MYO1H: variants seen among roughly 807,000 people sequenced by gnomAD.
MYO1H encodes unconventional myosin-Ih.
Under a neutral mutation model 149.3 loss-of-function variants are expected in MYO1H, and 118 were observed. That is an observed-to-expected ratio of 0.79 (90% CI 0.68 to 0.92). MYO1H has a LOEUF of 0.92. Ranked by LOEUF, MYO1H falls within the 40% of genes least tolerant of loss-of-function variation. MYO1H has a pLI of 0.00. For synonymous variants in MYO1H, 447 were observed against 465.2 expected (o/e 0.96, Z 0.50); for missense variants, 1,212 against 1,280.7 (o/e 0.95, Z 0.82).
intron 1 of MYO1H, among the ~76,000 whole-genome samples, chr12:109,360,458 GTCTC>G (rs980542863): frequency 1.3e-4 from 20 of 151,486 alleles, no homozygotes; most frequent in African/African-American, 3.1e-4. Flanking sequence ...CTCTGTCTCT[GTCTC>G]TCTCTCTCTC....
intron 1 of MYO1H, among the ~76,000 whole-genome samples, chr12:109,386,910 G>A (rs1260882865): frequency 2.0e-5 from 3 of 151,190 alleles, no homozygotes; most frequent in Non-Finnish European, 4.4e-5. Context: ...CCTTCCCCTG[G>A]TTACAAAGAT....
exon 11 of MYO1H, chr12:109,409,607 A>G (rs761439511): frequency 7.9e-5 from 127 of 1,613,502 alleles, no homozygotes; most frequent in Non-Finnish European, 1.1e-4. Context: ...ATGGGTTTGA[A>G]GTCTTTGACA....
At chr12:109,357,469 G>C (rs962725144) in intron 1 of MYO1H, among the ~76,000 whole-genome samples, 1 of 152,128 alleles carries the variant, frequency 6.6e-6, no homozygotes, top group African/African-American at 2.4e-5. Context: ...CATTGAACAG[G>C]GTTGGCAAAC....
At chr12:109,333,394 T>C in the MYO1H span, among the ~76,000 whole-genome samples, 1 of 152,152 alleles carries the variant, frequency 6.6e-6, no homozygotes. Context: ...TGAGGACTCA[T>C]GGTGCATGGA....
intron 1 of MYO1H, among the ~76,000 whole-genome samples, chr12:109,385,789 C>T (rs1050498968): frequency 1.3e-5 from 2 of 152,116 alleles, no homozygotes; most frequent in African/African-American, 4.8e-5. Flanking sequence ...CCCCTCTACC[C>T]ACCACCTAGC....
At chr12:109,318,984 T>G in the MYO1H span, among the ~76,000 whole-genome samples, 7 of 145,396 alleles carry the variant, frequency 4.8e-5, no homozygotes, top group Admixed American at 6.8e-5. Flanking sequence ...TTTTTTTTTT[T>G]TTTTTTTTTT....
At chr12:109,427,912 ATATATAT>A (rs1871443339) in intron 19 of MYO1H, among the ~76,000 whole-genome samples, 5 of 51,948 alleles carry the variant, frequency 9.6e-5, no homozygotes, top group African/African-American at 1.5e-4. Context: ...AAAAAAAAAT[ATATATAT>A]ATATATATAT....
chr12:109,440,666 T>TAA, intron 24 of MYO1H, 78 bp from the exon 25 acceptor site: 1 of 1,057,352 alleles, frequency 9.5e-7, no homozygotes, highest in Non-Finnish European at 1.4e-6. Flanking sequence ...AGTGTTTTTT[T>TAA]AAAGCTTCAT....
chr12:109,415,663 A>G, intron 15 of MYO1H, 43 bp downstream of exon 15: 1 of 1,410,596 alleles, frequency 7.1e-7, no homozygotes, highest in Non-Finnish European at 9.6e-7. Context: ...GTATGTGCCC[A>G]GCCTGGTGTC....
the MYO1H span, among the ~76,000 whole-genome samples, chr12:109,314,655 A>G: frequency 5.3e-5 from 8 of 152,070 alleles, no homozygotes; most frequent in African/African-American, 1.9e-4. Flanking sequence ...CCATCTCTCA[A>G]AAAGGAATAC....
chr12:109,338,489 C>T, the MYO1H span, among the ~76,000 whole-genome samples: 1 of 152,148 alleles, frequency 6.6e-6, no homozygotes, highest in African/African-American at 2.4e-5. Context: ...ATTTTCTGGC[C>T]AGGCATGGTG....
intron 1 of MYO1H, among the ~76,000 whole-genome samples, chr12:109,356,768 G>T (rs912373948): frequency 6.6e-6 from 1 of 152,060 alleles, no homozygotes; most frequent in Admixed American, 6.6e-5. Flanking sequence ...ATAATTATAC[G>T]CATTCAGTGG....
At chr12:109,328,091 G>A in the MYO1H span, among the ~76,000 whole-genome samples, 5 of 150,720 alleles carry the variant, frequency 3.3e-5, no homozygotes, top group African/African-American at 4.9e-5. Context: ...TGGTCTCTGA[G>A]TAAAATTCTG....
Position 109,443,048 on chromosome 12 carries a change from A to ATATATGTGTACG in MYO1H, c.2689-462_2689-451dup, listed in dbSNP as rs1566044701. 2.4e-4 allele frequency among the ~76,000 whole-genome samples: 15 copies of ATATATGTGTACG among 62,512 alleles called. 1 individual carries two copies. Among genetic ancestry groups the ATATATGTGTACG allele is most frequent in the African/African-American group, 1.1e-3 (15 of 13,168 alleles). The allele number at this position is 62,512 out of a possible 152,430, so 41.0% of individuals were successfully genotyped here. ...TATATATGTGTGTGTGTGTGTGTGTATATATGTGTACGTATGTGTGTATAT... is the reference window on the plus strand; with the variant it reads ...TATATATGTGTGTGTGTGTGTGTGTATATATGTGTACGTATATGTGTACGTATGTGTGTATAT... On this transcript the variant is annotated intron_variant, in intron 27 of 31. Coordinates refer to ENST00000310903, the Ensembl canonical transcript of MYO1H.
chr12:109,366,166 A>T (rs1868861487), intron 1 of MYO1H, among the ~76,000 whole-genome samples: 1 of 152,196 alleles, frequency 6.6e-6, no homozygotes, highest in Non-Finnish European at 1.5e-5. Context: ...GCTGTCCTAG[A>T]CCACCCAGAT....
chr12:109,390,264 C>T (rs561885530), intron 2 of MYO1H, among the ~76,000 whole-genome samples: 1 of 148,112 alleles, frequency 6.8e-6, no homozygotes, highest in African/African-American at 2.5e-5. Context: ...TAGTCTTGAA[C>T]TCCTGGGTTC....
At chr12:109,336,510 G>A in the MYO1H span, among the ~76,000 whole-genome samples, 1 of 152,212 alleles carries the variant, frequency 6.6e-6, no homozygotes, top group Non-Finnish European at 1.5e-5. Context: ...TCTCAGCTCT[G>A]TTTTTCCCTT....
chr12:109,442,653 C>CT (rs1017399547), intron 27 of MYO1H, among the ~76,000 whole-genome samples: 3 of 152,106 alleles, frequency 2.0e-5, no homozygotes, highest in African/African-American at 7.2e-5. Flanking sequence ...CACTTAAGCT[C>CT]TTGGTGCCTC....
At chr12:109,334,868 T>G in the MYO1H span, among the ~76,000 whole-genome samples, 1 of 152,230 alleles carries the variant, frequency 6.6e-6, no homozygotes, top group Non-Finnish European at 1.5e-5. Context: ...CACAAAGTTA[T>G]GAACTGTCAC....
Sources: allele counts gnomAD v4.1 joint callset (sites outside exome capture counted in the v4.1 genomes callset), GRCh38; gene constraint gnomAD v4.1.1; transcripts MANE v1.5; gene names NCBI Gene and HGNC (gene_info 2026-07-23, HGNC 2026-07-21).